LRMDA: variants seen among roughly 807,000 people sequenced by gnomAD.
The protein encoded by LRMDA is leucine rich melanocyte differentiation associated.
A neutral mutation model predicts 29.8 loss-of-function variants in LRMDA; 18 were observed. That is an observed-to-expected ratio of 0.60 (90% CI 0.42 to 0.90). LRMDA has a LOEUF of 0.90. LRMDA is among the 40% of genes least tolerant of loss of function. The probability of loss-of-function intolerance (pLI) is 0.00; values close to 1 mark genes in which losing one functional copy is unlikely to be tolerated. For synonymous variants in LRMDA, 125 were observed against 109.4 expected (o/e 1.14, Z -0.89); for missense variants, 273 against 273.9 (o/e 1.00, Z 0.02).
At chr10:75,926,468 C>T (rs1169471993) in intron 2 of LRMDA, among the ~76,000 whole-genome samples, 1 of 152,190 alleles carries the variant, frequency 6.6e-6, no homozygotes, top group Admixed American at 6.5e-5. Context: ...AAGCCGGTTT[C>T]CAGAAGATGG....
intron 5 of LRMDA, among the ~76,000 whole-genome samples, chr10:76,311,185 TATTCATGCCCACTTAAC>T (rs1462888754): frequency 1.1e-4 from 17 of 152,264 alleles, no homozygotes; most frequent in Admixed American, 6.5e-5. Flanking sequence ...ACACGTATCC[TATTCATGCCCACTTAAC>T]ATAAATGCAG....
intron 2 of LRMDA, among the ~76,000 whole-genome samples, chr10:76,019,151 A>T (rs1847929189): frequency 6.6e-6 from 1 of 152,152 alleles, no homozygotes; most frequent in African/African-American, 2.4e-5. Context: ...GGTGCAGCTC[A>T]CTGTGGTGTT....
intron 5 of LRMDA, among the ~76,000 whole-genome samples, chr10:76,279,504 A>G (rs969261625): frequency 1.3e-5 from 2 of 151,370 alleles, no homozygotes; most frequent in African/African-American, 4.9e-5. Context: ...AGTGGTATAG[A>G]CGGGCTAAGG....
intron 2 of LRMDA, among the ~76,000 whole-genome samples, chr10:75,957,422 G>A (rs1389252034): frequency 6.6e-6 from 1 of 152,200 alleles, no homozygotes; most frequent in African/African-American, 2.4e-5. Flanking sequence ...AGTGAGTACC[G>A]AGGCATTGCA....
intron 2 of LRMDA, among the ~76,000 whole-genome samples, chr10:75,560,899 G>A (rs1840285224): frequency 6.6e-6 from 1 of 152,018 alleles, no homozygotes; most frequent in Non-Finnish European, 1.5e-5. Flanking sequence ...TGATCATGGT[G>A]GGTAAGCTTT....
At chr10:75,745,647 A>G (rs1210111481) in intron 2 of LRMDA, among the ~76,000 whole-genome samples, 5 of 152,206 alleles carry the variant, frequency 3.3e-5, no homozygotes, top group African/African-American at 1.2e-4. Context: ...TTAAGAAAAC[A>G]TTGGAACAAT....
intron 6 of LRMDA, among the ~76,000 whole-genome samples, chr10:76,526,558 A>G (rs1316273313): frequency 6.6e-6 from 1 of 152,088 alleles, no homozygotes; most frequent in Non-Finnish European, 1.5e-5. Flanking sequence ...TTCAGTTTTC[A>G]TGCTGTTATA....
chr10:75,878,477 C>T (rs1173257630), intron 2 of LRMDA, among the ~76,000 whole-genome samples: 1 of 151,886 alleles, frequency 6.6e-6, no homozygotes, highest in East Asian at 1.9e-4. Flanking sequence ...AATTCTGCGT[C>T]ATCCCGCCTC....
chr10:76,481,520 G>A (rs1410520357), intron 6 of LRMDA, among the ~76,000 whole-genome samples: 2 of 151,780 alleles, frequency 1.3e-5, no homozygotes, highest in South Asian at 2.1e-4. Flanking sequence ...AGTCTTGCAG[G>A]GTCTCACAAG....
intron 2 of LRMDA, among the ~76,000 whole-genome samples, chr10:75,543,697 ATTTATT>A (rs2132050352): frequency 6.6e-6 from 1 of 152,210 alleles, no homozygotes; most frequent in South Asian, 2.1e-4. Context: ...TTCTCCAAAG[ATTTATT>A]TTTATTTTTT....
intron 5 of LRMDA, among the ~76,000 whole-genome samples, chr10:76,211,837 A>G (rs1851639280): frequency 1.3e-5 from 2 of 152,222 alleles, no homozygotes; most frequent in African/African-American, 2.4e-5. Context: ...AGCTAAGCTA[A>G]ATGTCTTCAG....
chr10:76,050,517 A>G (rs1263405031), intron 4 of LRMDA, among the ~76,000 whole-genome samples: 1 of 152,238 alleles, frequency 6.6e-6, no homozygotes, highest in African/African-American at 2.4e-5. Context: ...AGAAATGTCC[A>G]TGGCCCTGTT....
intron 2 of LRMDA, among the ~76,000 whole-genome samples, chr10:75,750,688 C>A (rs1237568916): frequency 7.9e-6 from 1 of 125,886 alleles, no homozygotes; most frequent in East Asian, 2.6e-4. Context: ...GGATGGCGGC[C>A]GGCCAGAGGC....
chr10:75,526,127 G>A (rs935732302), intron 2 of LRMDA, among the ~76,000 whole-genome samples: 3 of 151,954 alleles, frequency 2.0e-5, no homozygotes, highest in African/African-American at 7.3e-5. Flanking sequence ...GTGCAGTGGT[G>A]TGATCATAGC....
intron 5 of LRMDA, among the ~76,000 whole-genome samples, chr10:76,071,084 C>G (rs766991824): frequency 2.0e-5 from 3 of 152,112 alleles, no homozygotes; most frequent in East Asian, 1.9e-4. Flanking sequence ...TGAGTGACCT[C>G]GCACTCAACT....
rs963619708 is a variant in LRMDA at position 75,630,036 on chromosome 10, A to AT, written c.131+191543dup. 7.2e-4 allele frequency among the ~76,000 whole-genome samples: 109 copies of AT among 152,366 alleles called. 1 individual carries two copies. Among genetic ancestry groups the AT allele is most frequent in the African/African-American group, 2.4e-3 (98 of 41,588 alleles). ...ATTTAACATTTTATTTACATAAATC[A>AT]TCGTGATCAGGAGCTTTAGGAGCCT... is the stretch of plus-strand genomic sequence containing the variant. On this transcript the variant is annotated intron_variant, in intron 2 of 6. Transcript: ENST00000611255.
chr10:76,385,400 A>G (rs1841647256), intron 6 of LRMDA, among the ~76,000 whole-genome samples: 1 of 152,206 alleles, frequency 6.6e-6, no homozygotes, highest in Non-Finnish European at 1.5e-5. Context: ...ATGCCTCATC[A>G]CAGGTCGGTA....
intron 5 of LRMDA, among the ~76,000 whole-genome samples, chr10:76,287,569 A>T (rs558846146): frequency 5.3e-5 from 8 of 152,206 alleles, no homozygotes; most frequent in African/African-American, 1.9e-4. Context: ...AGTATTTATT[A>T]TAATAAAATA....
At chr10:76,033,711 T>A (rs1258453623) in intron 2 of LRMDA, among the ~76,000 whole-genome samples, 1 of 152,082 alleles carries the variant, frequency 6.6e-6, no homozygotes, top group East Asian at 1.9e-4. Flanking sequence ...CACAAAGGAA[T>A]TATTAACCAC....
Sources: gnomAD v4.1 joint callset for allele counts (sites outside exome capture counted in the v4.1 genomes callset) on GRCh38, gnomAD v4.1.1 for gene constraint, MANE v1.5 for transcripts, NCBI Gene and HGNC (gene_info 2026-07-23, HGNC 2026-07-21) for gene names.